The following UBE2E2 variants were observed in gnomAD, a reference collection of about 807,000 sequenced individuals.
UBE2E2 encodes ubiquitin conjugating enzyme E2 E2, also known as ubiquitin-conjugating enzyme E2 E2.
A neutral mutation model predicts 24.7 loss-of-function variants in UBE2E2; 6 were observed. The ratio of observed to expected loss-of-function variants is 0.24; its 90% CI spans 0.13 to 0.48. The LOEUF is 0.48. UBE2E2 is among the 20% of genes least tolerant of loss of function. The pLI, the probability that UBE2E2 is intolerant of heterozygous loss-of-function variation, is 0.99. For synonymous variants in UBE2E2, 104 were observed against 83.6 expected (o/e 1.24, Z -1.33); for missense variants, 169 against 245.0 (o/e 0.69, Z 2.07).
intron 1 of UBE2E2, among the ~76,000 whole-genome samples, chr3:23,206,926 A>T (rs1458797327): frequency 2.6e-5 from 4 of 151,446 alleles, no homozygotes; most frequent in Admixed American, 2.6e-4. Context: ...TTGTAATTTG[A>T]TTAAGAGTAA....
chr3:23,565,020 A>G (rs572359977), intron 5 of UBE2E2, among the ~76,000 whole-genome samples: 3 of 152,268 alleles, frequency 2.0e-5, no homozygotes, highest in Admixed American at 2.0e-4. Flanking sequence ...GGCGGCTTTC[A>G]GCTGTGTAAC....
chr3:23,529,561 G>A (rs1353742542), intron 4 of UBE2E2, among the ~76,000 whole-genome samples: 3 of 152,108 alleles, frequency 2.0e-5, no homozygotes, highest in Non-Finnish European at 2.9e-5. Flanking sequence ...ACCACTTGTG[G>A]GATCTTGAGC....
At chr3:23,366,118 C>T (rs1195713681) in intron 3 of UBE2E2, among the ~76,000 whole-genome samples, 2 of 152,044 alleles carry the variant, frequency 1.3e-5, no homozygotes, top group Non-Finnish European at 2.9e-5. Flanking sequence ...AGTGAGATAC[C>T]ATCTCACACC....
At chr3:23,372,716 A>C (rs78849469) in intron 3 of UBE2E2, among the ~76,000 whole-genome samples, 2,168 of 152,298 alleles carry the variant, frequency 0.014, 53 homozygotes, top group African/African-American at 0.05. Context: ...ATTAAACAAG[A>C]GAAAAATTAA....
intron 5 of UBE2E2, among the ~76,000 whole-genome samples, chr3:23,536,532 A>G (rs1695268712): frequency 6.6e-6 from 1 of 152,180 alleles, no homozygotes; most frequent in Non-Finnish European, 1.5e-5. Flanking sequence ...TTTTCCCCCA[A>G]ATATGTATGA....
intron 5 of UBE2E2, among the ~76,000 whole-genome samples, chr3:23,578,351 A>G (rs1342452665): frequency 5.9e-5 from 9 of 152,260 alleles, no homozygotes; most frequent in Admixed American, 5.9e-4. Context: ...AATTAGTTCA[A>G]CCATTGTGGA....
intron 3 of UBE2E2, among the ~76,000 whole-genome samples, chr3:23,346,481 C>G (rs1695560851): frequency 6.6e-6 from 1 of 152,206 alleles, no homozygotes; most frequent in African/African-American, 2.4e-5. Flanking sequence ...AGCAGTCCAT[C>G]AGTTGAGACA....
At chr3:23,502,869 G>C (rs922020010) in intron 4 of UBE2E2, among the ~76,000 whole-genome samples, 1 of 152,112 alleles carries the variant, frequency 6.6e-6, no homozygotes, top group Non-Finnish European at 1.5e-5. Flanking sequence ...AGTAGGTAAG[G>C]CATTTTACAT....
chr3:23,401,470 AGATCACCTTGTATGT>A (rs1360885328), intron 3 of UBE2E2, among the ~76,000 whole-genome samples: 2 of 152,208 alleles, frequency 1.3e-5, no homozygotes, highest in African/African-American at 4.8e-5. Context: ...CGTTTGCTCA[AGATCACCTTGTATGT>A]GAAAAGGTAA....
chr3:23,465,350 G>T (rs1438026337), intron 3 of UBE2E2, among the ~76,000 whole-genome samples: 3 of 152,110 alleles, frequency 2.0e-5, no homozygotes, highest in African/African-American at 4.8e-5. Flanking sequence ...ATCACACTAG[G>T]TATAATATAG....
chr3:23,497,544 T>C (rs1403698977), intron 3 of UBE2E2, among the ~76,000 whole-genome samples: 1 of 152,222 alleles, frequency 6.6e-6, no homozygotes, highest in African/African-American at 2.4e-5. Flanking sequence ...TATGTTTGTG[T>C]TTGCTTACAT....
intron 3 of UBE2E2, among the ~76,000 whole-genome samples, chr3:23,480,169 C>T (rs1213252610): frequency 6.6e-6 from 1 of 152,192 alleles, no homozygotes; most frequent in Non-Finnish European, 1.5e-5. Flanking sequence ...CGGCCTCCCT[C>T]CTGCACTCGT....
At chr3:23,574,792 A>G (rs1024490867) in intron 5 of UBE2E2, among the ~76,000 whole-genome samples, 6 of 152,226 alleles carry the variant, frequency 3.9e-5, no homozygotes, top group South Asian at 4.1e-4. Context: ...TTACATTTTT[A>G]TTTCTAATAC....
At chr3:23,317,078 G>A (rs1311901375) in intron 3 of UBE2E2, among the ~76,000 whole-genome samples, 1 of 152,166 alleles carries the variant, frequency 6.6e-6, no homozygotes, top group East Asian at 1.9e-4. Context: ...AGTTGGGTAA[G>A]CATGGTGCAT....
intron 3 of UBE2E2, among the ~76,000 whole-genome samples, chr3:23,413,973 T>C (rs7613185): frequency 0.18 from 26,740 of 152,166 alleles, 2,863 homozygotes; most frequent in African/African-American, 0.3. Flanking sequence ...GTTCCTTCTT[T>C]TGTATGTTTG....
chr3:23,312,730 T>C (rs1694445579), intron 3 of UBE2E2, among the ~76,000 whole-genome samples: 1 of 152,162 alleles, frequency 6.6e-6, no homozygotes, highest in Admixed American at 6.5e-5. Context: ...TTGAGTTCTT[T>C]TTTGACGTAG....
intron 3 of UBE2E2, among the ~76,000 whole-genome samples, chr3:23,241,663 C>A (rs1445448484): frequency 1.3e-5 from 2 of 152,032 alleles, no homozygotes; most frequent in African/African-American, 4.8e-5. Context: ...TTTTTCTTTC[C>A]GTAGGAGTTA....
chr3:23,451,220 A>C (rs1698555231), intron 3 of UBE2E2, among the ~76,000 whole-genome samples: 1 of 152,162 alleles, frequency 6.6e-6, no homozygotes. Context: ...TCTCCTCTTA[A>C]AAGCAAATAA....
intron 3 of UBE2E2, among the ~76,000 whole-genome samples, chr3:23,467,067 C>G (rs1698934495): frequency 6.6e-6 from 1 of 151,930 alleles, no homozygotes; most frequent in Non-Finnish European, 1.5e-5. Flanking sequence ...TGTTTCTCCC[C>G]CAAAAAAGTA....
Sources: allele counts gnomAD v4.1 joint callset (sites outside exome capture counted in the v4.1 genomes callset), GRCh38; gene constraint gnomAD v4.1.1; transcripts MANE v1.5; gene names NCBI Gene and HGNC (gene_info 2026-07-23, HGNC 2026-07-21).